CHD2: variants seen among roughly 807,000 people sequenced by gnomAD.
CHD2 encodes the protein ATP-dependent chromatin remodeler CHD2.
Under a neutral mutation model 243.9 loss-of-function variants are expected in CHD2, and 28 were observed. The observed-to-expected ratio is 0.11, with a 90% CI of 0.09 to 0.16. The LOEUF (loss-of-function observed/expected upper bound fraction) is 0.16. CHD2 is among the 10% of genes least tolerant of loss of function. The probability of loss-of-function intolerance (pLI) is 1.00; values close to 1 mark genes in which losing one functional copy is unlikely to be tolerated. For synonymous variants in CHD2, 775 were observed against 779.0 expected, an observed-to-expected ratio of 0.99 and a Z score of 0.09; for missense variants, 1,386 against 2,209.8, an observed-to-expected ratio of 0.63 and a Z score of 7.47.
chr15:92,923,810 C>T (rs865864550), intron 2 of CHD2, among the ~76,000 whole-genome samples: 3 of 151,932 alleles, frequency 2.0e-5, no homozygotes, highest in Admixed American at 1.3e-4. Context: ...GTGATCCGCC[C>T]GCCTCGGCCT....
In CHD2 at chr15:92,970,966, T is replaced by A. The variant is rs16947303; in HGVS notation, c.2190-799T>A. Among the ~76,000 whole-genome samples, 625 of 152,334 alleles carry A rather than the reference T, an allele frequency of 4.1e-3. 8 individuals carry two copies. Among genetic ancestry groups the A allele is most frequent in the African/African-American group, 0.014 (587 of 41,560 alleles). On this transcript the variant is annotated intron_variant, in intron 17 of 38. Coordinates refer to ENST00000394196, the MANE Select transcript of CHD2 (RefSeq NM_001271.4). ...TACATGAATATATCTGTATTTCTCC[T>A]CCAAATTTGGGTAGAAAACATACTG...
At chr15:92,952,681 C>T (rs911857480) in intron 13 of CHD2, among the ~76,000 whole-genome samples, 12 of 152,226 alleles carry the variant, frequency 7.9e-5, no homozygotes, top group African/African-American at 2.7e-4. Flanking sequence ...CTCCCTCACC[C>T]GCTGCTCACC....
chr15:92,936,456 G>A (rs2053269070), intron 5 of CHD2, among the ~76,000 whole-genome samples: 2 of 152,152 alleles, frequency 1.3e-5, no homozygotes, highest in South Asian at 4.1e-4. Context: ...CTTCTCTGTA[G>A]GTGAGAAATG....
At chr15:92,918,656 A>G (rs985660479) in intron 2 of CHD2, among the ~76,000 whole-genome samples, 2 of 152,224 alleles carry the variant, frequency 1.3e-5, no homozygotes, top group Admixed American at 6.5e-5. Context: ...AACCAGCACT[A>G]AAGCTACAGC....
In CHD2 at chr15:93,027,509, A is replaced by T. The variant is rs1486300053; in HGVS notation, c.*2804A>T. 4 of 152,392 alleles carry T rather than the reference A, an allele frequency of 2.6e-5. No homozygotes were observed. Among genetic ancestry groups the T allele is most frequent in the Non-Finnish European group, 5.9e-5 (4 of 68,050 alleles). 9.4% of individuals were successfully genotyped at this position (152,392 alleles called of 1,614,324 possible). A position where few individuals can be genotyped will look rare whatever the true frequency, so the allele number is the denominator to read the frequency against. On this transcript the variant is annotated 3_prime_UTR_variant, in exon 39 of 39. Coordinates refer to ENST00000394196, the MANE Select transcript of CHD2 (RefSeq NM_001271.4). Reference sequence around the variant, plus strand: ...TTTCAGTCATTCCTCAGCCCTTCGAAGGGAAGCCCAAACACTTTGCACGCT... The same window carrying T: ...TTTCAGTCATTCCTCAGCCCTTCGATGGGAAGCCCAAACACTTTGCACGCT...
At chr15:92,927,927 A>T (rs1306740605) in intron 4 of CHD2, among the ~76,000 whole-genome samples, 1 of 152,212 alleles carries the variant, frequency 6.6e-6, no homozygotes, top group Non-Finnish European at 1.5e-5. Context: ...CTATAGAATC[A>T]GACTTCTTTC....
At chr15:92,987,743 G>T (rs1196374982) in intron 26 of CHD2, among the ~76,000 whole-genome samples, 3 of 150,420 alleles carry the variant, frequency 2.0e-5, no homozygotes, top group South Asian at 2.1e-4. Flanking sequence ...AATTATGTCT[G>T]CATTTTGCTA....
rs933926396 is a variant in CHD2, at chr15:92,967,568, A to G, written c.2189+55A>G. On this transcript the variant is annotated intron_variant, in intron 17 of 38. Transcript: ENST00000394196. ...GGGTTGAGATCAGTACCATGAAACT[A>G]TTAGATAGGAGATATATATATATAC... 6.2e-6 allele frequency: 8 copies of G among 1,283,008 alleles called. No homozygotes were observed. In the Admixed American group the frequency reaches 1.7e-4, roughly 27 times the overall value. The allele number at this position is 1,283,008 out of a possible 1,614,324, so 79.5% of individuals were successfully genotyped here.
intron 16 of CHD2, among the ~76,000 whole-genome samples, chr15:92,966,066 C>CTTTTTT (rs533059554): frequency 7.5e-6 from 1 of 132,928 alleles, no homozygotes; most frequent in Non-Finnish European, 1.6e-5. Flanking sequence ...TTTTTCTTTT[C>CTTTTTT]TTTTTTTTTT....
chr15:93,020,343 T>G (rs1177614679), intron 38 of CHD2, 85 bp downstream of exon 38: 1 of 1,510,452 alleles, frequency 6.6e-7, no homozygotes, highest in Non-Finnish European at 9.2e-7. Context: ...ATGAATGTAT[T>G]TATCTATCAA....
chr15:92,980,513 T>A (rs1416335460), intron 22 of CHD2, among the ~76,000 whole-genome samples: 1 of 152,184 alleles, frequency 6.6e-6, no homozygotes, highest in African/African-American at 2.4e-5. Context: ...AATTATAACT[T>A]TCTGAGTAAA....
chr15:92,938,790 G>A (rs1308405482), intron 6 of CHD2, among the ~76,000 whole-genome samples: 2 of 152,108 alleles, frequency 1.3e-5, no homozygotes, highest in Non-Finnish European at 2.9e-5. Flanking sequence ...TGGAATATTT[G>A]GGGATTTCCT....
chr15:92,998,709 C>T lies in CHD2; in HGVS notation c.4008+88C>T, dbSNP rs1413688675. 2.0e-6 allele frequency: 3 copies of T among 1,476,560 alleles called. No individual in the cohort carries two copies. The African/African-American group carries it at 4.2e-5, about 21-fold the overall frequency. 91.5% of individuals were successfully genotyped at this position (1,476,560 alleles called of 1,614,324 possible). On this transcript the variant is annotated intron_variant, in intron 31 of 38. Coordinates refer to ENST00000394196, the MANE Select transcript of CHD2 (RefSeq NM_001271.4). This position sits in a 1 kb window ranked among gnomAD's most constrained non-coding sequence, Gnocchi z 5.1. Reference sequence around the variant, plus strand: ...TAGGAAGAGAGAGGCCCTCTCTGAGCACTGCACAGAATGTCACCTTCTCAT... The same window carrying T: ...TAGGAAGAGAGAGGCCCTCTCTGAGTACTGCACAGAATGTCACCTTCTCAT...
At chr15:92,988,067 T>C (rs943515620) in intron 26 of CHD2, among the ~76,000 whole-genome samples, 8 of 151,506 alleles carry the variant, frequency 5.3e-5, no homozygotes, top group Non-Finnish European at 4.4e-5. Context: ...TCATACTTTA[T>C]ATAGTTAGTT....
At chr15:93,007,849 T>A (rs1308433278) in intron 34 of CHD2, among the ~76,000 whole-genome samples, 1 of 152,244 alleles carries the variant, frequency 6.6e-6, no homozygotes, top group East Asian at 1.9e-4. Context: ...TGTTTCACAT[T>A]ATTTCTTTCC....
chr15:93,004,123 CAAAA>C (rs982331625), intron 33 of CHD2, among the ~76,000 whole-genome samples: 2 of 73,512 alleles, frequency 2.7e-5, no homozygotes, highest in Non-Finnish European at 5.9e-5. Flanking sequence ...GAATCTGTCT[CAAAA>C]AAAAAAAAAA....
intron 2 of CHD2, 183 bp from the exon 3 acceptor site, chr15:92,924,138 G>A: frequency 1.9e-6 from 1 of 523,494 alleles, no homozygotes; most frequent in Non-Finnish European, 3.4e-6. Flanking sequence ...AGCTATTGGG[G>A]ATTTTGAGAA....
intron 4 of CHD2, among the ~76,000 whole-genome samples, chr15:92,928,301 T>C (rs1427866895): frequency 6.6e-6 from 1 of 152,226 alleles, no homozygotes; most frequent in African/African-American, 2.4e-5. Flanking sequence ...ACCAATCACA[T>C]AGTTGTAGAA....
At chr15:92,964,647 C>T (rs1403735007) in intron 16 of CHD2, among the ~76,000 whole-genome samples, 2 of 152,150 alleles carry the variant, frequency 1.3e-5, no homozygotes, top group African/African-American at 2.4e-5. Flanking sequence ...TGCAGGGTGG[C>T]TCTGACAGGG....
Sources: allele counts gnomAD v4.1 joint callset (sites outside exome capture counted in the v4.1 genomes callset), GRCh38; gene constraint gnomAD v4.1.1; non-coding constraint Gnocchi (gnomAD v3.1); transcripts MANE v1.5; gene names NCBI Gene and HGNC (gene_info 2026-07-23, HGNC 2026-07-21).